SLC1A2: variants seen among roughly 807,000 people sequenced by gnomAD.
SLC1A2 encodes excitatory amino acid transporter 2.
SLC1A2 carries 15 observed loss-of-function variants against 48.8 expected under a neutral mutation model. That is an observed-to-expected ratio of 0.31 (90% CI 0.21 to 0.47). SLC1A2 has a LOEUF of 0.47. Among genes scored for constraint, SLC1A2 ranks in the 20% least tolerant of loss-of-function variants. SLC1A2 has a pLI of 0.99. For synonymous variants in SLC1A2, 279 were observed against 272.6 expected (o/e 1.02, Z -0.23); for missense variants, 502 against 730.5 (o/e 0.69, Z 3.61).
rs890268720 is a variant in SLC1A2 at position 35,254,943 on chromosome 11, T to A, written c.*5951A>T. On this transcript the variant is annotated 3_prime_UTR_variant, in exon 11 of 11. Transcript: ENST00000278379. ...AGGATATTATTTAGGATAAATGAAA[T>A]AGGAACTTAGGGGCATCTCTCACTT... 12 of 335,840 alleles carry A rather than the reference T, an allele frequency of 3.6e-5. No homozygotes were observed. Among genetic ancestry groups the A allele is most frequent in the Admixed American group, 1.6e-4 (4 of 24,258 alleles). 20.8% of individuals were successfully genotyped at this position (335,840 alleles called of 1,614,324 possible). A position where few individuals can be genotyped will look rare whatever the true frequency, so the allele number is the denominator to read the frequency against.
At chr11:35,339,869 C>G (rs1049992467) in intron 1 of SLC1A2, among the ~76,000 whole-genome samples, 2 of 152,138 alleles carry the variant, frequency 1.3e-5, no homozygotes, top group Admixed American at 1.3e-4. Flanking sequence ...TCACAGATCA[C>G]TGTATTCTCC....
intron 5 of SLC1A2, among the ~76,000 whole-genome samples, chr11:35,305,640 G>A (rs1851478499): frequency 6.6e-6 from 1 of 152,214 alleles, no homozygotes. Context: ...TGGTAGCATT[G>A]CATTTGTTTG....
chr11:35,272,776 T>C (rs1409117839), intron 9 of SLC1A2, among the ~76,000 whole-genome samples: 9 of 152,180 alleles, frequency 5.9e-5, no homozygotes, highest in African/African-American at 2.2e-4. Flanking sequence ...AAGAAGGGGA[T>C]GAAGATGAAA....
At chr11:35,304,320 T>C (rs1230967982) in intron 5 of SLC1A2, among the ~76,000 whole-genome samples, 1 of 152,114 alleles carries the variant, frequency 6.6e-6, no homozygotes, top group South Asian at 2.1e-4. Context: ...CTCCTGAGTA[T>C]GGAGAAGACT....
intron 5 of SLC1A2, among the ~76,000 whole-genome samples, chr11:35,303,375 A>G (rs978101279): frequency 1.3e-5 from 2 of 152,186 alleles, no homozygotes; most frequent in Admixed American, 6.5e-5. Flanking sequence ...GCTCTCAGCT[A>G]GAAAGCTTGA....
At chr11:35,342,515 G>GTT (rs143334138) in intron 1 of SLC1A2, among the ~76,000 whole-genome samples, 8,217 of 99,198 alleles carry the variant, frequency 0.083, 330 homozygotes, top group African/African-American at 0.16. Context: ...TCAAATGAGT[G>GTT]TTTTTTTTGT....
At chr11:35,386,693 A>T (rs1276514599) in intron 1 of SLC1A2, among the ~76,000 whole-genome samples, 3 of 152,240 alleles carry the variant, frequency 2.0e-5, no homozygotes, top group African/African-American at 7.2e-5. Context: ...AATAGCTAAC[A>T]TACTAAGGGG....
In SLC1A2 at chr11:35,317,383, C is replaced by A; in HGVS notation, c.151G>T (p.Val51Leu). Residue 51 changes from valine to leucine, a missense_variant, in exon 2 of 11, where the codon GTG becomes TTG. Transcript: ENST00000278379. Reference protein sequence around the residue: ...LGKNLLLTLTVFGVILGAVCG... With the variant: ...LGKNLLLTLTLFGVILGAVCG... ...GGGTAGTGCAGGTACCTACCAAACA[C>A]CGTCAGGGTGAGCAGCAGATTCTTC... 1 of 1,614,068 alleles carries A rather than the reference C, an allele frequency of 6.2e-7. No homozygotes were observed. The highest frequency in any genetic ancestry group is 8.5e-7 in the Non-Finnish European group (1 of 1,179,960).
intron 8 of SLC1A2, chr11:35,286,440 T>A (rs751612538): frequency 1.3e-4 from 24 of 188,726 alleles, no homozygotes; most frequent in Non-Finnish European, 2.4e-4. Flanking sequence ...CTACCATGCC[T>A]CTTGGTGCCT....
chr11:35,323,470 T>C (rs1380841663), intron 1 of SLC1A2, among the ~76,000 whole-genome samples: 2 of 152,244 alleles, frequency 1.3e-5, no homozygotes, highest in Non-Finnish European at 2.9e-5. Context: ...CATTTTTATT[T>C]TTTAGGTCCC....
intron 1 of SLC1A2, among the ~76,000 whole-genome samples, chr11:35,337,292 T>C (rs1852668978): frequency 6.6e-6 from 1 of 152,160 alleles, no homozygotes; most frequent in Non-Finnish European, 1.5e-5. Context: ...TTTAAATGGC[T>C]GCCAGCATGC....
chr11:35,402,638 G>A (rs1434899493), intron 1 of SLC1A2, among the ~76,000 whole-genome samples: 1 of 152,204 alleles, frequency 6.6e-6, no homozygotes, highest in East Asian at 1.9e-4. Flanking sequence ...CTGTCAGTCA[G>A]AAGTACCAGA....
At chr11:35,390,622 C>A (rs544970526) in intron 1 of SLC1A2, 8 of 151,176 alleles carry the variant, frequency 5.3e-5, no homozygotes, top group South Asian at 2.1e-4. Context: ...CATGTTGAAG[C>A]AATCATAACT....
chr11:35,314,970 G>A, intron 3 of SLC1A2, 53 bp downstream of exon 3: 1 of 1,335,748 alleles, frequency 7.5e-7, no homozygotes, highest in East Asian at 2.3e-5. Context: ...TTAATTAAAA[G>A]CCAGGGCAGG....
chr11:35,399,211 G>A (rs1481248640), intron 1 of SLC1A2, among the ~76,000 whole-genome samples: 1 of 152,076 alleles, frequency 6.6e-6, no homozygotes, highest in Non-Finnish European at 1.5e-5. Flanking sequence ...CCCCTACCCT[G>A]CTGTCCTCCC....
chr11:35,326,462 GA>G (rs1170277815), intron 1 of SLC1A2, among the ~76,000 whole-genome samples: 6 of 152,228 alleles, frequency 3.9e-5, no homozygotes, highest in South Asian at 2.1e-4. Flanking sequence ...TGTTGACTAA[GA>G]GGTGGTTTAA....
intron 9 of SLC1A2, among the ~76,000 whole-genome samples, chr11:35,277,959 T>C (rs951152012): frequency 6.6e-6 from 1 of 152,132 alleles, no homozygotes; most frequent in Admixed American, 6.5e-5. Context: ...ACAATCCTTC[T>C]CACCCATACA....
At chr11:35,311,897 G>GGGGAGAGAGAGAGAGA (rs1851707514) in intron 4 of SLC1A2, among the ~76,000 whole-genome samples, 1 of 25,700 alleles carries the variant, frequency 3.9e-5, no homozygotes, top group Non-Finnish European at 6.9e-5. Flanking sequence ...AGAGAGGGAG[G>GGGGAGAGAGAGAGAGA]GAGAGAGAGA....
intron 1 of SLC1A2, among the ~76,000 whole-genome samples, chr11:35,361,668 G>T (rs4756223): frequency 0.79 from 120,459 of 152,084 alleles, 48,604 homozygotes; most frequent in East Asian, 0.95. Flanking sequence ...TTTAGTCTTA[G>T]GGTAGAAAGG....
Sources: gnomAD v4.1 joint callset for allele counts (sites outside exome capture counted in the v4.1 genomes callset) on GRCh38, gnomAD v4.1.1 for gene constraint, MANE v1.5 for transcripts, NCBI Gene and HGNC (gene_info 2026-07-23, HGNC 2026-07-21) for gene names.